CMTM7: variants seen among roughly 807,000 people sequenced by gnomAD.
CMTM7 encodes the protein CKLF-like MARVEL transmembrane domain-containing protein 7.
A neutral mutation model predicts 19.3 loss-of-function variants in CMTM7; 7 were observed. The observed-to-expected ratio is 0.36, with a 90% confidence interval of 0.21 to 0.68. The LOEUF (loss-of-function observed/expected upper bound fraction) is 0.68, where lower values mean the gene tolerates loss of function less well. Among genes scored for constraint, CMTM7 ranks in the 30% least tolerant of loss-of-function variants. The pLI is 0.60. For synonymous variants in CMTM7, 87 were observed against 99.3 expected (o/e 0.88, Z 0.74); for missense variants, 193 against 232.6 (o/e 0.83, Z 1.11).
At chr3:32,440,892 G>A (rs1462749107) in intron 1 of CMTM7, among the ~76,000 whole-genome samples, 1 of 152,226 alleles carries the variant, frequency 6.6e-6, no homozygotes, top group Non-Finnish European at 1.5e-5. Context: ...TTTTCTCTTT[G>A]GCCTTCACGG....
intron 1 of CMTM7, among the ~76,000 whole-genome samples, chr3:32,420,733 A>G (rs1696331071): frequency 1.3e-5 from 2 of 152,232 alleles, no homozygotes; most frequent in Admixed American, 1.3e-4. Context: ...TGCAGCGGCC[A>G]GAGAGCAGGT....
intron 3 of CMTM7, chr3:32,451,884 CA>C: frequency 2.6e-6 from 1 of 381,514 alleles, no homozygotes; most frequent in Non-Finnish European, 5.0e-6. Flanking sequence ...TTAATATGTA[CA>C]AACGTAAACC....
chr3:32,438,483 CT>C (rs747639518), intron 1 of CMTM7, among the ~76,000 whole-genome samples: 965 of 141,042 alleles, frequency 6.8e-3, no homozygotes, highest in Non-Finnish European at 7.1e-3. Context: ...TCAGTCAAAT[CT>C]TTTTTTTTTT....
chr3:32,438,195 G>A (rs1046541990), intron 1 of CMTM7, among the ~76,000 whole-genome samples: 3 of 152,210 alleles, frequency 2.0e-5, no homozygotes. Flanking sequence ...GAGAGGGTTG[G>A]AGCTGGCGGG....
rs73068706 is a variant in CMTM7 at position 32,455,230 on chromosome 3, C to G, written c.*976C>G. 1 of 152,200 alleles carries G rather than the reference C, an allele frequency of 6.6e-6. No homozygotes were observed. Among genetic ancestry groups the G allele is most frequent in the African/African-American group, 2.4e-5 (1 of 41,438 alleles). The allele number at this position is 152,200 out of a possible 1,614,324, so 9.4% of individuals were successfully genotyped here. ...GGATGGAACAATGTTTGAGCAACCC[C>G]GTGTGCAAGGACCTACATTCACAAC... is the stretch of plus-strand genomic sequence containing the variant. On this transcript the variant is annotated 3_prime_UTR_variant, in exon 5 of 5. Transcript: ENST00000334983.
intron 1 of CMTM7, 68 bp from the exon 2 acceptor site, chr3:32,441,772 T>C: frequency 4.2e-6 from 6 of 1,420,400 alleles, no homozygotes; most frequent in Non-Finnish European, 5.9e-6. Context: ...TTGGTTGTTT[T>C]CCGTTGTTTG....
Position 32,449,354 on chromosome 3 carries a change from ACT to A in CMTM7, c.334-94_334-93del. 3 of 840,364 alleles carry A rather than the reference ACT, an allele frequency of 3.6e-6. No individual in the cohort carries two copies. Among genetic ancestry groups the A allele is most frequent in the Non-Finnish European group, 6.3e-6 (3 of 477,280 alleles). 52.1% of individuals were successfully genotyped at this position (840,364 alleles called of 1,614,324 possible). A position where few individuals can be genotyped will look rare whatever the true frequency, so the allele number is the denominator to read the frequency against. On this transcript the variant is annotated intron_variant, in intron 2 of 4. Transcript: ENST00000334983. The surrounding 1 kb of genome is among the most constrained non-coding windows in gnomAD (Gnocchi z 4.5). ...GTTGCAAGGGAGAAGAGGAAGCGTC[ACT>A]CTCTCCCTTTCTTTTCATGTCTTCT...
At chr3:32,413,870 G>C (rs1255370929) in intron 1 of CMTM7, among the ~76,000 whole-genome samples, 1 of 152,136 alleles carries the variant, frequency 6.6e-6, no homozygotes, top group Non-Finnish European at 1.5e-5. Context: ...ATCCGCCGCA[G>C]GTTCCAAGAA....
intron 1 of CMTM7, among the ~76,000 whole-genome samples, chr3:32,402,821 C>T (rs1225542174): frequency 6.6e-5 from 10 of 152,194 alleles, no homozygotes; most frequent in Non-Finnish European, 1.5e-5. Flanking sequence ...CCTTGGCCTC[C>T]CAAAGTGTTG....
intron 1 of CMTM7, among the ~76,000 whole-genome samples, chr3:32,396,252 T>C (rs931026547): frequency 3.3e-5 from 5 of 152,092 alleles, no homozygotes; most frequent in African/African-American, 1.2e-4. Flanking sequence ...ATGCCTGTAA[T>C]CCCAGCACTT....
At chr3:32,428,533 C>T (rs1044473830) in intron 1 of CMTM7, among the ~76,000 whole-genome samples, 3 of 152,172 alleles carry the variant, frequency 2.0e-5, no homozygotes, top group Non-Finnish European at 2.9e-5. Flanking sequence ...TAGAAAGGAG[C>T]GAAGCTGAGG....
intron 1 of CMTM7, among the ~76,000 whole-genome samples, chr3:32,410,175 TC>T (rs1696151358): frequency 6.6e-6 from 1 of 152,138 alleles, no homozygotes; most frequent in Non-Finnish European, 1.5e-5. Context: ...CTATCCTGTT[TC>T]CCGGTTCTGA....
chr3:32,423,370 C>G (rs746229813), intron 1 of CMTM7, among the ~76,000 whole-genome samples: 3 of 152,196 alleles, frequency 2.0e-5, no homozygotes, highest in Non-Finnish European at 4.4e-5. Context: ...GATATATTTG[C>G]TGGTAGAACT....
chr3:32,430,667 T>C (rs1238776302), intron 1 of CMTM7, among the ~76,000 whole-genome samples: 26 of 65,374 alleles, frequency 4.0e-4, no homozygotes, highest in Middle Eastern at 7.2e-3. Flanking sequence ...CATTCTGGCC[T>C]GATCTACATC....
chr3:32,451,805 C>T, intron 3 of CMTM7: 1 of 316,984 alleles, frequency 3.2e-6, no homozygotes, highest in Non-Finnish European at 6.1e-6. Flanking sequence ...GCCTTCCTCA[C>T]ACTTGAGCGC....
At chr3:32,427,221 T>A (rs1028307561) in intron 1 of CMTM7, among the ~76,000 whole-genome samples, 10 of 152,160 alleles carry the variant, frequency 6.6e-5, no homozygotes, top group Admixed American at 5.2e-4. Context: ...ACTAGCTGAG[T>A]AGCCCTTCCT....
chr3:32,396,617 A>G (rs1695922888), intron 1 of CMTM7, among the ~76,000 whole-genome samples: 1 of 152,134 alleles, frequency 6.6e-6, no homozygotes, highest in Non-Finnish European at 1.5e-5. Context: ...GTTGGTATGT[A>G]ATTATGTAAG....
intron 1 of CMTM7, among the ~76,000 whole-genome samples, chr3:32,431,913 C>A (rs1460713055): frequency 6.6e-6 from 1 of 152,240 alleles, no homozygotes; most frequent in Non-Finnish European, 1.5e-5. Flanking sequence ...GAGCAAATAA[C>A]TTGAGGCCAG....
intron 1 of CMTM7, among the ~76,000 whole-genome samples, chr3:32,407,823 A>G (rs1271974154): frequency 1.3e-5 from 2 of 152,166 alleles, no homozygotes; most frequent in Non-Finnish European, 2.9e-5. Context: ...TCCTGAATTT[A>G]TGGATGTGAT....
Sources: allele counts gnomAD v4.1 joint callset (sites outside exome capture counted in the v4.1 genomes callset), GRCh38; gene constraint gnomAD v4.1.1; non-coding constraint Gnocchi (gnomAD v3.1); transcripts MANE v1.5; gene names NCBI Gene and HGNC (gene_info 2026-07-23, HGNC 2026-07-21).